The following NCKAP5 variants were observed in gnomAD, a reference collection of about 807,000 sequenced individuals.
The protein encoded by NCKAP5 is NCK associated protein 5, also known as nck-associated protein 5.
NCKAP5 carries 92 observed loss-of-function variants against 167.0 expected under a neutral mutation model. The ratio of observed to expected loss-of-function variants is 0.55; its 90% CI spans 0.47 to 0.66. The LOEUF (loss-of-function observed/expected upper bound fraction) is 0.66, where lower values mean the gene tolerates loss of function less well. Among genes scored for constraint, NCKAP5 ranks in the 30% least tolerant of loss-of-function variants. The pLI is 0.00. For synonymous variants in NCKAP5, 891 were observed against 877.4 expected, an observed-to-expected ratio of 1.02 and a Z score of -0.27; for missense variants, 2,378 against 2,315.0, an observed-to-expected ratio of 1.03 and a Z score of -0.56.
At chr2:133,535,745 TC>T (rs1685711575) in intron 2 of NCKAP5, among the ~76,000 whole-genome samples, 1 of 152,128 alleles carries the variant, frequency 6.6e-6, no homozygotes, top group Non-Finnish European at 1.5e-5. Context: ...GTACTAATTT[TC>T]ATTCCCACCA....
At chr2:132,723,401 A>G (rs571503186) in intron 19 of NCKAP5, among the ~76,000 whole-genome samples, 1 of 151,714 alleles carries the variant, frequency 6.6e-6, no homozygotes, top group African/African-American at 2.4e-5. Flanking sequence ...TGACCTTGTG[A>G]TCTACCCGGC....
intron 6 of NCKAP5, among the ~76,000 whole-genome samples, chr2:133,048,777 C>T (rs754733233): frequency 3.3e-5 from 5 of 152,150 alleles, no homozygotes; most frequent in Non-Finnish European, 7.4e-5. Context: ...TTACAAAGGG[C>T]TTTTCAATTT....
At position 132,790,066 on chromosome 2, in the gene NCKAP5, C is replaced by A; in HGVS notation, c.1049G>T (p.Gly350Val). Reference sequence around the variant, plus strand: ...CCCATCGTGCCACGTGTAGGAGGAGCCACTGGAGTACTCGCTGCAGGTGCT... The same window carrying A: ...CCCATCGTGCCACGTGTAGGAGGAGACACTGGAGTACTCGCTGCAGGTGCT... ...LSSTCSEYSSGSSYTWHDGKN... is the reference protein window; with the variant it reads ...LSSTCSEYSSVSSYTWHDGKN... The change falls in exon 13 of 20, where the codon GGC becomes GTC. Residue 350 changes from glycine to valine, a missense_variant. Around this residue, in one of 3 missense-constraint regions of NCKAP5, gnomAD observed 1,049 missense variants for 1,023.4 expected, o/e 1.02. Coordinates refer to ENST00000409261, the MANE Select transcript of NCKAP5 (RefSeq NM_207363.3). The A allele has an allele frequency of 1.2e-6, 2 of 1,613,256 alleles. No individual in the cohort carries two copies. The highest frequency in any genetic ancestry group is 1.7e-6 in the Non-Finnish European group (2 of 1,179,530).
intron 6 of NCKAP5, among the ~76,000 whole-genome samples, chr2:133,093,137 A>G (rs2081243007): frequency 6.6e-6 from 1 of 152,212 alleles, no homozygotes; most frequent in African/African-American, 2.4e-5. Flanking sequence ...GGACAAGGTA[A>G]TTAAGCAATA....
intron 11 of NCKAP5, among the ~76,000 whole-genome samples, chr2:132,817,121 C>A (rs893846394): frequency 3.9e-5 from 6 of 152,160 alleles, no homozygotes; most frequent in African/African-American, 1.4e-4. Context: ...CCACATGGCA[C>A]CAAAGTACCA....
chr2:133,099,123 G>A (rs968242239), intron 6 of NCKAP5, among the ~76,000 whole-genome samples: 9 of 152,148 alleles, frequency 5.9e-5, no homozygotes, highest in African/African-American at 2.2e-4. Flanking sequence ...GCAAGTTACT[G>A]TGGTTCTTTG....
intron 4 of NCKAP5, among the ~76,000 whole-genome samples, chr2:133,218,360 A>G (rs1399934794): frequency 6.6e-6 from 1 of 152,156 alleles, no homozygotes; most frequent in South Asian, 2.1e-4. Context: ...AGACACGTGT[A>G]TTTTCACATC....
At chr2:133,474,148 C>CTATT (rs1419978554) in intron 3 of NCKAP5, among the ~76,000 whole-genome samples, 5,028 of 143,868 alleles carry the variant, frequency 0.035, 264 homozygotes, top group African/African-American at 0.13. Flanking sequence ...ATCTATCTAT[C>CTATT]TATCTATACA....
intron 8 of NCKAP5, among the ~76,000 whole-genome samples, chr2:132,910,858 T>TTTA (rs1415059183): frequency 1.3e-5 from 2 of 152,214 alleles, no homozygotes; most frequent in Non-Finnish European, 2.9e-5. Context: ...CAAAGAAGAC[T>TTTA]CATCCATTCT....
intron 6 of NCKAP5, among the ~76,000 whole-genome samples, chr2:133,040,303 G>A (rs2079170095): frequency 6.6e-6 from 1 of 152,054 alleles, no homozygotes; most frequent in Admixed American, 6.6e-5. Context: ...CATGGTTTTT[G>A]CTATTAAAAG....
At chr2:133,318,103 G>C (rs1209400504) in intron 3 of NCKAP5, among the ~76,000 whole-genome samples, 1 of 152,182 alleles carries the variant, frequency 6.6e-6, no homozygotes, top group African/African-American at 2.4e-5. Context: ...TACCTCCAGA[G>C]ACTGAGCCTA....
At chr2:132,994,770 A>C (rs1430942937) in intron 6 of NCKAP5, among the ~76,000 whole-genome samples, 3 of 152,166 alleles carry the variant, frequency 2.0e-5, no homozygotes, top group African/African-American at 7.2e-5. Context: ...ATGCATCATT[A>C]GGTGATTTTG....
At chr2:133,458,187 G>A (rs1691975973) in intron 3 of NCKAP5, among the ~76,000 whole-genome samples, 1 of 152,178 alleles carries the variant, frequency 6.6e-6, no homozygotes, top group Non-Finnish European at 1.5e-5. Context: ...GGTACTGACA[G>A]GCTACCAGCT....
Position 132,950,240 on chromosome 2 carries a change from T to C in NCKAP5, c.579+13480A>G, listed in dbSNP as rs562269273. Among the ~76,000 whole-genome samples, 73 of 152,360 alleles carry C rather than the reference T, an allele frequency of 4.8e-4. 4 individuals carry two copies. In the South Asian group the frequency reaches 0.014, roughly 29 times the overall value. On this transcript the variant is annotated intron_variant, in intron 8 of 19. Coordinates refer to ENST00000409261, the MANE Select transcript of NCKAP5 (RefSeq NM_207363.3). Reference sequence around the variant, plus strand: ...GAACTAGTTCAAGATCCACATAAGATGATCAGATAAATGTCTTTTTATATT... The same window carrying C: ...GAACTAGTTCAAGATCCACATAAGACGATCAGATAAATGTCTTTTTATATT...
At chr2:133,130,898 G>T (rs1474594103) in intron 5 of NCKAP5, among the ~76,000 whole-genome samples, 1 of 152,056 alleles carries the variant, frequency 6.6e-6, no homozygotes, top group Non-Finnish European at 1.5e-5. Context: ...TGCTGTTATT[G>T]TTACTGCTGT....
At chr2:133,647,392 G>A in the NCKAP5 span, among the ~76,000 whole-genome samples, 196 of 113,052 alleles carry the variant, frequency 1.7e-3, no homozygotes, top group East Asian at 5.7e-3. Flanking sequence ...AGGAAGGAAG[G>A]AAGGAAGGAA....
At chr2:133,207,626 A>T (rs1296367357) in intron 5 of NCKAP5, among the ~76,000 whole-genome samples, 1 of 151,928 alleles carries the variant, frequency 6.6e-6, no homozygotes, top group African/African-American at 2.4e-5. Context: ...AAGAAAGAAG[A>T]AGTGCTAAGA....
chr2:133,183,959 TTTTA>T (rs1260065095), intron 5 of NCKAP5, among the ~76,000 whole-genome samples: 1 of 152,130 alleles, frequency 6.6e-6, no homozygotes, highest in Non-Finnish European at 1.5e-5. Context: ...ATATTTTTAT[TTTTA>T]TTTTTTTTCT....
At chr2:133,571,097 G>A (rs1242926828), upstream of NCKAP5, among the ~76,000 whole-genome samples, 1 of 152,114 alleles carries the variant, frequency 6.6e-6, no homozygotes, top group Non-Finnish European at 1.5e-5. Flanking sequence ...TATTCCTCTA[G>A]AGAAAGCATA....
Sources: gnomAD v4.1 joint callset for allele counts (sites outside exome capture counted in the v4.1 genomes callset) on GRCh38, gnomAD v4.1.1 for gene constraint, gnomAD v4.1.1 regional missense constraint, MANE v1.5 for transcripts, NCBI Gene and HGNC (gene_info 2026-07-23, HGNC 2026-07-21) for gene names.